The following GPC6 variants were observed in gnomAD, a reference collection of about 807,000 sequenced individuals.
GPC6 encodes glypican-6.
In GPC6, 14 loss-of-function variants were observed where a neutral mutation model predicts 55.2. That is an observed-to-expected ratio of 0.25 (90% CI 0.17 to 0.40). The LOEUF is 0.40. GPC6 is among the 10% of genes least tolerant of loss of function. The pLI, the probability that GPC6 is intolerant of heterozygous loss-of-function variation, is 1.00. For missense variants in GPC6, 641 were observed against 708.5 expected (o/e 0.90, Z 1.08); for synonymous variants, 278 against 259.6 (o/e 1.07, Z -0.68).
At chr13:93,879,055 A>C (rs1224998069) in intron 3 of GPC6, among the ~76,000 whole-genome samples, 1 of 151,838 alleles carries the variant, frequency 6.6e-6, no homozygotes, top group Non-Finnish European at 1.5e-5. Flanking sequence ...AAAGCAAGAA[A>C]CTTCCCTTCT....
chr13:94,307,551 A>G (rs905284979), intron 6 of GPC6, among the ~76,000 whole-genome samples: 3 of 152,134 alleles, frequency 2.0e-5, no homozygotes, highest in African/African-American at 7.2e-5. Flanking sequence ...GAGCTCAAGC[A>G]ATCCACCTGC....
chr13:93,741,984 A>G (rs1337748124), intron 2 of GPC6, among the ~76,000 whole-genome samples: 1 of 152,244 alleles, frequency 6.6e-6, no homozygotes, highest in Non-Finnish European at 1.5e-5. Context: ...GACAGAACTA[A>G]AAAAATGTAA....
chr13:93,524,190 T>G (rs968975051), intron 1 of GPC6, among the ~76,000 whole-genome samples: 4 of 151,918 alleles, frequency 2.6e-5, no homozygotes, highest in African/African-American at 7.3e-5. Context: ...GAAATACCAG[T>G]AAATGCACTA....
chr13:93,837,153 T>TA (rs761582718), intron 3 of GPC6, among the ~76,000 whole-genome samples: 9 of 152,202 alleles, frequency 5.9e-5, no homozygotes, highest in Non-Finnish European at 4.4e-5. Context: ...GCTATTTGTG[T>TA]AATCTTGTTC....
intron 4 of GPC6, among the ~76,000 whole-genome samples, chr13:94,221,132 A>G (rs1007793048): frequency 6.6e-6 from 1 of 152,104 alleles, no homozygotes; most frequent in African/African-American, 2.4e-5. Context: ...TACCATTTCT[A>G]TAGGCGTTTC....
At chr13:93,399,780 C>T (rs7323858) in intron 1 of GPC6, among the ~76,000 whole-genome samples, 5,914 of 152,310 alleles carry the variant, frequency 0.039, 178 homozygotes, top group Non-Finnish European at 0.058. Context: ...GCCTCCTGCC[C>T]ACACCTTCCG....
chr13:94,183,690 G>A (rs570101170), intron 4 of GPC6, among the ~76,000 whole-genome samples: 5 of 152,098 alleles, frequency 3.3e-5, no homozygotes, highest in African/African-American at 1.2e-4. Flanking sequence ...AGAAATCTAC[G>A]AGGGTTTCAA....
intron 1 of GPC6, among the ~76,000 whole-genome samples, chr13:93,540,563 A>T (rs1882253324): frequency 6.6e-6 from 1 of 152,198 alleles, no homozygotes; most frequent in African/African-American, 2.4e-5. Flanking sequence ...GCATAAAATA[A>T]TTATACAATT....
intron 6 of GPC6, among the ~76,000 whole-genome samples, chr13:94,335,890 CTGT>C (rs1466476412): frequency 2.3e-5 from 3 of 130,324 alleles, no homozygotes; most frequent in Admixed American, 9.1e-5. Context: ...GCTCTCTTCA[CTGT>C]TGTTGTGATT....
chr13:93,956,321 C>G (rs1405713587), intron 3 of GPC6, among the ~76,000 whole-genome samples: 1 of 152,098 alleles, frequency 6.6e-6, no homozygotes, highest in Non-Finnish European at 1.5e-5. Context: ...TGGTGGATTA[C>G]TGATTGAAAA....
intron 3 of GPC6, among the ~76,000 whole-genome samples, chr13:93,911,177 A>G (rs1462940163): frequency 6.6e-6 from 1 of 152,224 alleles, no homozygotes; most frequent in Non-Finnish European, 1.5e-5. Flanking sequence ...AGGCATTCAC[A>G]GGCAAAGTCA....
At chr13:94,163,565 C>T (rs1046719899) in intron 4 of GPC6, among the ~76,000 whole-genome samples, 3 of 152,080 alleles carry the variant, frequency 2.0e-5, no homozygotes, top group African/African-American at 7.2e-5. Context: ...TAAAAGGTAG[C>T]TTTATTCCCT....
intron 3 of GPC6, among the ~76,000 whole-genome samples, chr13:93,894,698 C>T (rs1357803132): frequency 6.6e-6 from 1 of 152,046 alleles, no homozygotes; most frequent in African/African-American, 2.4e-5. Flanking sequence ...CCTTAACTAA[C>T]AGATTTGTAG....
chr13:93,226,111 C>G (rs1166538743), upstream of GPC6, among the ~76,000 whole-genome samples: 1 of 152,064 alleles, frequency 6.6e-6, no homozygotes, highest in East Asian at 1.9e-4. Flanking sequence ...ATTATGTTAA[C>G]TTGGAAGAAA....
rs1206669123 is a variant in GPC6 at position 93,872,134 on chromosome 13, A to G, written c.711+41589A>G. 2.0e-5 allele frequency among the ~76,000 whole-genome samples: 3 copies of G among 151,956 alleles called. 1 individual carries two copies. The highest frequency in any genetic ancestry group is 4.4e-5 in the Non-Finnish European group (3 of 67,936). The stretch of plus-strand genomic sequence containing the variant: ...AAAAGCCTTTTTGAAATATCAAAAG[A>G]GATTATTTGTCACTGAGGAAATTTC... On this transcript the variant is annotated intron_variant, in intron 3 of 8. Transcript: ENST00000377047.
At chr13:93,572,129 G>A (rs1172526962) in intron 2 of GPC6, among the ~76,000 whole-genome samples, 2 of 152,078 alleles carry the variant, frequency 1.3e-5, no homozygotes, top group African/African-American at 4.8e-5. Context: ...CATCATAAAT[G>A]TGTACCAGAT....
At chr13:93,329,833 C>G (rs1394657957) in intron 1 of GPC6, among the ~76,000 whole-genome samples, 1 of 147,820 alleles carries the variant, frequency 6.8e-6, no homozygotes, top group Admixed American at 6.8e-5. Context: ...AATGGATGAA[C>G]AACAATAACA....
At chr13:94,327,974 T>C (rs78906344) in intron 6 of GPC6, among the ~76,000 whole-genome samples, 6,940 of 152,062 alleles carry the variant, frequency 0.046, 199 homozygotes, top group Non-Finnish European at 0.061. Context: ...CCCCTTCCCC[T>C]CCGATTTTGT....
At chr13:93,956,964 A>T (rs1879535592) in intron 3 of GPC6, among the ~76,000 whole-genome samples, 1 of 152,174 alleles carries the variant, frequency 6.6e-6, no homozygotes, top group Non-Finnish European at 1.5e-5. Context: ...TGTACAAATT[A>T]CTGTCTTTTC....
Sources: allele counts gnomAD v4.1 joint callset (sites outside exome capture counted in the v4.1 genomes callset), GRCh38; gene constraint gnomAD v4.1.1; transcripts MANE v1.5; gene names NCBI Gene and HGNC (gene_info 2026-07-23, HGNC 2026-07-21).